SLC35F3: variants seen among roughly 807,000 people sequenced by gnomAD.
SLC35F3 encodes the protein putative thiamine transporter SLC35F3.
SLC35F3 carries 25 observed loss-of-function variants against 49.9 expected under a neutral mutation model. The ratio of observed to expected loss-of-function variants is 0.50; its 90% CI spans 0.37 to 0.70. SLC35F3 has a LOEUF of 0.70. Among genes scored for constraint, SLC35F3 ranks in the 30% least tolerant of loss-of-function variants. The pLI, the probability that SLC35F3 is intolerant of heterozygous loss-of-function variation, is 0.00. For synonymous variants in SLC35F3, 275 were observed against 265.4 expected (o/e 1.04, Z -0.35); for missense variants, 525 against 639.8 (o/e 0.82, Z 1.94).
At chr1:234,123,401 A>G (rs768372469) in intron 2 of SLC35F3, among the ~76,000 whole-genome samples, 2 of 151,930 alleles carry the variant, frequency 1.3e-5, no homozygotes, top group Non-Finnish European at 2.9e-5. Flanking sequence ...ACCAGTGTTA[A>G]GCATGTTTTG....
At position 234,320,939 on chromosome 1, in the gene SLC35F3, G is replaced by A. The variant is rs550697892; in HGVS notation, c.1237+752G>A. ...CTTCTCTCAGCCAGAAAAGGGCTGT[G>A]AATCTGTCCTCCCCAGAACACTCAC... On this transcript the variant is annotated intron_variant, in intron 7 of 7. Coordinates refer to ENST00000366618, the MANE Select transcript of SLC35F3 (RefSeq NM_173508.4). This position sits in a 1 kb window ranked among gnomAD's most constrained non-coding sequence, Gnocchi z 4.8. 6.6e-6 allele frequency among the ~76,000 whole-genome samples: 1 copy of A among 152,176 alleles called. No homozygotes were observed. The highest frequency in any genetic ancestry group is 1.9e-4 in the East Asian group (1 of 5,168).
chr1:234,309,430 A>C, intron 4 of SLC35F3, 110 bp downstream of exon 4: 1 of 899,464 alleles, frequency 1.1e-6, no homozygotes. Context: ...GCTGCTGACC[A>C]CTTTCCTTCT....
chr1:233,990,093 A>G (rs971234266), intron 2 of SLC35F3, among the ~76,000 whole-genome samples: 1 of 152,212 alleles, frequency 6.6e-6, no homozygotes, highest in Non-Finnish European at 1.5e-5. Context: ...AATATTAGTG[A>G]TAGCAGAAGA....
chr1:234,316,487 C>A, intron 4 of SLC35F3, 115 bp from the exon 5 acceptor site: 1 of 1,352,198 alleles, frequency 7.4e-7, no homozygotes, highest in East Asian at 2.4e-5. Flanking sequence ...AAAGGAGACA[C>A]CACTTTCCCC....
intron 2 of SLC35F3, among the ~76,000 whole-genome samples, chr1:234,208,331 T>TGTAGATGTC (rs1244951565): frequency 6.6e-6 from 1 of 152,226 alleles, no homozygotes; most frequent in African/African-American, 2.4e-5. Flanking sequence ...CAGAGGCCCC[T>TGTAGATGTC]GTAGATGTCG....
chr1:234,131,502 G>C (rs1447208737), intron 2 of SLC35F3, among the ~76,000 whole-genome samples: 1 of 151,926 alleles, frequency 6.6e-6, no homozygotes, highest in Non-Finnish European at 1.5e-5. Flanking sequence ...CATCCTTATA[G>C]AGTATTTATG....
At chr1:233,977,927 A>T (rs1209075973) in intron 2 of SLC35F3, among the ~76,000 whole-genome samples, 1 of 152,324 alleles carries the variant, frequency 6.6e-6, no homozygotes, top group East Asian at 1.9e-4. Context: ...GATGACCTCA[A>T]ACAGAAAGTG....
In SLC35F3 at chr1:234,231,354, G is replaced by C. The variant is rs1667367471; in HGVS notation, c.284-63G>C. The C allele has an allele frequency of 3.8e-6, 5 of 1,325,536 alleles. No homozygotes were observed. In the African/African-American group the frequency reaches 4.4e-5, roughly 12 times the overall value. The allele number at this position is 1,325,536 out of a possible 1,614,324, so 82.1% of individuals were successfully genotyped here. Reference sequence around the variant, plus strand: ...GTGGTGACAATGGCTGCAGGGCAGCGCCCTGCGAAGTGCAGGGGTGAAGGT... The same window carrying C: ...GTGGTGACAATGGCTGCAGGGCAGCCCCCTGCGAAGTGCAGGGGTGAAGGT... On this transcript the variant is annotated intron_variant, in intron 2 of 7. Transcript: ENST00000366618. The surrounding 1 kb of genome is among the most constrained non-coding windows in gnomAD (Gnocchi z 5.4).
At chr1:234,126,498 G>A (rs1272740421) in intron 2 of SLC35F3, among the ~76,000 whole-genome samples, 1 of 62,760 alleles carries the variant, frequency 1.6e-5, no homozygotes, top group Non-Finnish European at 3.5e-5. Context: ...TGTGTATTTA[G>A]TTCTACATGA....
intron 3 of SLC35F3, among the ~76,000 whole-genome samples, chr1:234,295,704 C>A (rs951966245): frequency 6.6e-6 from 1 of 152,154 alleles, no homozygotes; most frequent in African/African-American, 2.4e-5. Context: ...TTTTTCATAG[C>A]GAGCTAAATA....
intron 2 of SLC35F3, among the ~76,000 whole-genome samples, chr1:234,096,528 T>C (rs1478576909): frequency 2.0e-5 from 3 of 152,206 alleles, no homozygotes; most frequent in Non-Finnish European, 4.4e-5. Context: ...CAGGTTTGCC[T>C]CTCTCCACAG....
At chr1:233,948,220 GGAGAGAGGGAGAGAGA>G (rs1225928318) in intron 2 of SLC35F3, among the ~76,000 whole-genome samples, 18 of 122,502 alleles carry the variant, frequency 1.5e-4, no homozygotes, top group African/African-American at 4.2e-4. Flanking sequence ...AGGGAGAGAG[GGAGAGAGGGAGAGAGA>G]GAGAGAGAGA....
intron 2 of SLC35F3, among the ~76,000 whole-genome samples, chr1:234,138,480 G>C (rs1665842532): frequency 6.6e-6 from 1 of 152,132 alleles, no homozygotes. Flanking sequence ...CAAGAGAAGA[G>C]GTGCTGAGGG....
intron 3 of SLC35F3, among the ~76,000 whole-genome samples, chr1:234,266,897 T>A (rs1398167938): frequency 2.7e-5 from 4 of 146,770 alleles, no homozygotes; most frequent in African/African-American, 5.1e-5. Context: ...TTTTTTTTTT[T>A]ATTGATCATT....
At chr1:233,950,018 C>T (rs1662577128) in intron 2 of SLC35F3, among the ~76,000 whole-genome samples, 1 of 152,108 alleles carries the variant, frequency 6.6e-6, no homozygotes, top group Admixed American at 6.5e-5. Context: ...GACACCTCTG[C>T]ACACGAGGTG....
chr1:234,278,769 A>T (rs1324554692), intron 3 of SLC35F3, among the ~76,000 whole-genome samples: 1 of 148,744 alleles, frequency 6.7e-6, no homozygotes, highest in Non-Finnish European at 1.5e-5. Context: ...TTGTACCCTT[A>T]TGAGGCAGAG....
intron 2 of SLC35F3, among the ~76,000 whole-genome samples, chr1:233,910,242 A>G (rs1434996625): frequency 2.0e-5 from 3 of 152,182 alleles, no homozygotes; most frequent in Non-Finnish European, 2.9e-5. Context: ...ATGGACACCA[A>G]TTAGGGAGGA....
intron 4 of SLC35F3, 104 bp downstream of exon 4, chr1:234,309,424 C>G: frequency 2.1e-6 from 2 of 962,152 alleles, no homozygotes; most frequent in South Asian, 3.3e-5. Flanking sequence ...GCATAAGCTG[C>G]TGACCACTTT....
chr1:234,018,804 AG>A (rs1663846506), intron 2 of SLC35F3, among the ~76,000 whole-genome samples: 1 of 152,214 alleles, frequency 6.6e-6, no homozygotes, highest in Admixed American at 6.5e-5. Context: ...AACATGGTCC[AG>A]GGTGTCATTT....
Sources: allele counts gnomAD v4.1 joint callset (sites outside exome capture counted in the v4.1 genomes callset), GRCh38; gene constraint gnomAD v4.1.1; non-coding constraint Gnocchi (gnomAD v3.1); transcripts MANE v1.5; gene names NCBI Gene and HGNC (gene_info 2026-07-23, HGNC 2026-07-21).